Variants in LRBA observed in about 807,000 individuals in gnomAD.
The protein encoded by LRBA is LPS responsive beige-like anchor protein.
LRBA carries 176 observed loss-of-function variants against 330.0 expected under a neutral mutation model. The observed-to-expected ratio is 0.53, with a 90% confidence interval of 0.47 to 0.60. LRBA has a LOEUF of 0.60. Ranked by LOEUF, LRBA falls within the 20% of genes least tolerant of loss-of-function variation. LRBA has a pLI of 0.00. For missense variants in LRBA, 3,259 were observed against 3,444.8 expected (o/e 0.95, Z 1.35); for synonymous variants, 1,230 against 1,193.0 (o/e 1.03, Z -0.64).
At position 150,905,871 on chromosome 4, in the gene LRBA, A is replaced by T; in HGVS notation, c.1722T>A (p.Leu574=). The part of the protein sequence containing the change: ...LLKQLCDHVL[L]NPAIWIHTPA... Reference sequence around the variant, plus strand: ...GGGTATGAATCCATATGGCAGGATTAAGAAGAACGTGATCACACAATTGCT... The same window carrying T: ...GGGTATGAATCCATATGGCAGGATTTAGAAGAACGTGATCACACAATTGCT... Residue 574 remains leucine (L), a synonymous_variant, in exon 13 of 57, where the codon CTT becomes CTA. Coordinates refer to ENST00000651943, the MANE Select transcript of LRBA (RefSeq NM_001364905.1). 1 of 1,613,646 alleles carries T rather than the reference A, an allele frequency of 6.2e-7. No individual in the cohort carries two copies. Among genetic ancestry groups the T allele is most frequent in the Non-Finnish European group, 8.5e-7 (1 of 1,179,638 alleles).
intron 2 of LRBA, among the ~76,000 whole-genome samples, chr4:150,985,788 G>A (rs555539194): frequency 4.6e-5 from 7 of 152,162 alleles, no homozygotes; most frequent in South Asian, 2.1e-4. Context: ...GTGAGCCACC[G>A]CGCCCAGTTG....
At chr4:150,487,982 GT>G (rs1193950102) in intron 41 of LRBA, 148 bp from the exon 42 acceptor site, 7 of 400,424 alleles carry the variant, frequency 1.7e-5, no homozygotes, top group African/African-American at 1.4e-4. Flanking sequence ...TATATATCAA[GT>G]TTTAGTATTA....
At chr4:150,568,288 A>T (rs541090213) in intron 40 of LRBA, among the ~76,000 whole-genome samples, 1 of 152,186 alleles carries the variant, frequency 6.6e-6, no homozygotes, top group Non-Finnish European at 1.5e-5. Context: ...AATGTGAAAC[A>T]AAGTTGAATA....
intron 40 of LRBA, among the ~76,000 whole-genome samples, chr4:150,536,281 T>A (rs945153861): frequency 1.3e-5 from 2 of 152,192 alleles, no homozygotes; most frequent in Admixed American, 1.3e-4. Context: ...AAATATTGAT[T>A]AGGTATGAGA....
intron 31 of LRBA, 102 bp downstream of exon 31, chr4:150,817,022 G>A (rs1281023699): frequency 1.1e-6 from 1 of 943,618 alleles, no homozygotes. Context: ...AAGTACAATG[G>A]TTTCTAATGT....
At chr4:150,380,748 G>A (rs1043523741) in intron 47 of LRBA, among the ~76,000 whole-genome samples, 3 of 151,952 alleles carry the variant, frequency 2.0e-5, no homozygotes, top group Non-Finnish European at 4.4e-5. Context: ...GGCTGAGGAG[G>A]GTGGATTACC....
At chr4:150,630,318 T>C (rs537341688) in intron 37 of LRBA, among the ~76,000 whole-genome samples, 5 of 151,902 alleles carry the variant, frequency 3.3e-5, no homozygotes, top group African/African-American at 9.7e-5. Context: ...TTGACATCAA[T>C]AGTTTACTCC....
chr4:150,755,957 G>T (rs1582253136), intron 35 of LRBA, among the ~76,000 whole-genome samples: 1 of 151,414 alleles, frequency 6.6e-6, no homozygotes, highest in East Asian at 1.9e-4. Context: ...GAGGTGAGAG[G>T]ATCACTTGAG....
intron 36 of LRBA, among the ~76,000 whole-genome samples, chr4:150,721,806 G>C (rs1728975425): frequency 6.6e-6 from 1 of 152,026 alleles, no homozygotes; most frequent in Non-Finnish European, 1.5e-5. Flanking sequence ...TGGTAGAGAT[G>C]GGGTTTCATC....
chr4:150,857,666 G>A (rs541272342), intron 22 of LRBA, among the ~76,000 whole-genome samples: 2 of 152,080 alleles, frequency 1.3e-5, no homozygotes, highest in Non-Finnish European at 2.9e-5. Flanking sequence ...ATTGGTCAAT[G>A]ATAAGGAACA....
chr4:150,400,026 T>C (rs1561121738), intron 47 of LRBA, among the ~76,000 whole-genome samples: 1 of 152,164 alleles, frequency 6.6e-6, no homozygotes, highest in Non-Finnish European at 1.5e-5. Context: ...GGGAGGAATC[T>C]GGCATTTTTG....
intron 2 of LRBA, among the ~76,000 whole-genome samples, chr4:150,994,341 T>C (rs1742414993): frequency 6.6e-6 from 1 of 152,082 alleles, no homozygotes; most frequent in Non-Finnish European, 1.5e-5. Context: ...TCCTCACCTT[T>C]AAAATGGAGA....
At chr4:150,631,224 T>C (rs7692615) in intron 37 of LRBA, among the ~76,000 whole-genome samples, 132,929 of 151,858 alleles carry the variant, frequency 0.88, 59,095 homozygotes, top group Non-Finnish European at 0.95. Flanking sequence ...ATATTATCTA[T>C]CTTATAAGGT....
At chr4:150,912,342 G>A (rs985625019) in intron 9 of LRBA, among the ~76,000 whole-genome samples, 2 of 152,062 alleles carry the variant, frequency 1.3e-5, no homozygotes, top group African/African-American at 2.4e-5. Context: ...TTTATAGAAG[G>A]GTGAACCCTA....
At position 151,014,735 on chromosome 4, in the gene LRBA, G is replaced by C. The variant is rs1367544073; in HGVS notation, c.-93C>G. ...ACAACACACGCAATGCAAAACGAAA[G>C]GGTCCCTCTTCCAACTTGTGGAGAT... On this transcript the variant is annotated 5_prime_UTR_variant, in exon 2 of 57. Coordinates refer to ENST00000651943, the MANE Select transcript of LRBA (RefSeq NM_001364905.1). 7.4e-6 allele frequency: 6 copies of C among 812,242 alleles called. No homozygotes were observed. In the East Asian group the frequency reaches 1.6e-4, roughly 22 times the overall value. The allele number at this position is 812,242 out of a possible 1,614,324, so 50.3% of individuals were successfully genotyped here.
chr4:150,720,945 G>C, intron 36 of LRBA: 1 of 429,328 alleles, frequency 2.3e-6, no homozygotes, highest in Non-Finnish European at 4.6e-6. Context: ...GGGAATTTAA[G>C]TGTTACCCAA....
chr4:150,908,908 G>A (rs770170154), intron 9 of LRBA, 51 bp from the exon 10 acceptor site: 8 of 1,288,000 alleles, frequency 6.2e-6, no homozygotes, highest in East Asian at 4.7e-5. Flanking sequence ...GAGAATCTAA[G>A]TACAAATCAA....
At chr4:150,430,537 G>T (rs1442028076) in intron 46 of LRBA, among the ~76,000 whole-genome samples, 1 of 152,058 alleles carries the variant, frequency 6.6e-6, no homozygotes, top group East Asian at 1.9e-4. Context: ...TTTACTGTAG[G>T]TATCTCCTCT....
At chr4:150,319,485 C>CA (rs1161393753) in intron 50 of LRBA, among the ~76,000 whole-genome samples, 1 of 151,608 alleles carries the variant, frequency 6.6e-6, no homozygotes, top group Non-Finnish European at 1.5e-5. Context: ...TTTAGAGAAA[C>CA]AAAAAAATCA....
Sources: allele counts gnomAD v4.1 joint callset (sites outside exome capture counted in the v4.1 genomes callset), GRCh38; gene constraint gnomAD v4.1.1; transcripts MANE v1.5; gene names NCBI Gene and HGNC (gene_info 2026-07-23, HGNC 2026-07-21).